Variants in KNL1 observed in about 807,000 individuals in gnomAD.
KNL1 encodes the protein kinetochore scaffold 1, also known as outer kinetochore KNL1 complex subunit KNL1.
KNL1 carries 66 observed loss-of-function variants against 201.3 expected under a neutral mutation model. That is an observed-to-expected ratio of 0.33 (90% confidence interval 0.27 to 0.40). KNL1 has a LOEUF of 0.40. Ranked by LOEUF, KNL1 falls within the 10% of genes least tolerant of loss-of-function variation. The pLI, the probability that KNL1 is intolerant of heterozygous loss-of-function variation, is 1.00. For missense variants in KNL1, 2,815 were observed against 2,690.5 expected, an observed-to-expected ratio of 1.05 and a Z score of -1.02; for synonymous variants, 895 against 899.2, an observed-to-expected ratio of 1.00 and a Z score of 0.08.
chr15:40,659,834 A>C (rs1440106223), intron 25 of KNL1, among the ~76,000 whole-genome samples: 1 of 151,862 alleles, frequency 6.6e-6, no homozygotes, highest in Non-Finnish European at 1.5e-5. Context: ...GTGGTCAGCA[A>C]ATTAGTGGAC....
At position 40,623,084 on chromosome 15, in the gene KNL1, C is replaced by G. The variant is rs375594204; in HGVS notation, c.2820C>G (p.Asp940Glu). 1 of 1,613,796 alleles carries G rather than the reference C, an allele frequency of 6.2e-7. No homozygotes were observed. The highest frequency in any genetic ancestry group is 8.5e-7 in the Non-Finnish European group (1 of 1,179,866). ...ATGAAATAACTACTAGGCCTATGGA[C>G]AAAACTGTAGTGTTTGTAGATAATC... ...SPDEITTRPMDKTVVFVDNHV... is the reference protein window; with the variant it reads ...SPDEITTRPMEKTVVFVDNHV... Residue 940 changes from aspartate (D) to glutamate (E), a missense_variant, in exon 10 of 26, where the codon GAC (aspartate) becomes GAG (glutamate). By Grantham distance (45) the Asp-to-Glu change is conservative. This residue lies in a region of KNL1 where 2,464 missense variants were observed against 2,291.7 expected (regional missense o/e 1.08). Coordinates refer to ENST00000399668, the MANE Select transcript of KNL1 (RefSeq NM_144508.5).
intron 25 of KNL1, among the ~76,000 whole-genome samples, chr15:40,660,631 C>G (rs1248467955): frequency 7.0e-6 from 1 of 142,728 alleles, no homozygotes; most frequent in Non-Finnish European, 1.5e-5. Flanking sequence ...CACCACTGCA[C>G]TCCAGACTGG....
intron 7 of KNL1, among the ~76,000 whole-genome samples, chr15:40,612,356 T>G (rs1017197674): frequency 1.3e-5 from 2 of 148,946 alleles, no homozygotes; most frequent in South Asian, 4.3e-4. Context: ...CCAGGTATGG[T>G]GGCACTGTGC....
chr15:40,598,098 C>T (rs896213896), intron 1 of KNL1, among the ~76,000 whole-genome samples: 1 of 149,746 alleles, frequency 6.7e-6, no homozygotes, highest in Non-Finnish European at 1.5e-5. Flanking sequence ...CACTTGAACC[C>T]AGGATGGGGA....
At chr15:40,645,859 A>G (rs1287042212) in intron 16 of KNL1, 87 bp downstream of exon 16, 1 of 693,726 alleles carries the variant, frequency 1.4e-6, no homozygotes, top group African/African-American at 1.9e-5. Flanking sequence ...TCTTCCTTAG[A>G]AGACATGTGA....
intron 5 of KNL1, among the ~76,000 whole-genome samples, chr15:40,609,210 C>T (rs2141704669): frequency 6.9e-6 from 1 of 144,842 alleles, no homozygotes; most frequent in East Asian, 2.0e-4. Flanking sequence ...TAGTTCGAGA[C>T]TAGCCCAAGC....
chr15:40,598,348 T>C (rs1287318822), intron 1 of KNL1, among the ~76,000 whole-genome samples: 4 of 152,012 alleles, frequency 2.6e-5, no homozygotes, highest in Admixed American at 2.0e-4. Flanking sequence ...GCTGGAAGGA[T>C]TGCTTGAGGC....
In KNL1 at chr15:40,629,495, C is replaced by CTTT. The variant is rs386382806; in HGVS notation, c.5682+148_5682+150dup. The CTTT allele has an allele frequency of 4.9e-4, 88 of 178,708 alleles. 1 individual carries two copies. The highest frequency in any genetic ancestry group is 9.0e-4 in the East Asian group (3 of 3,346). 11.1% of individuals were successfully genotyped at this position (178,708 alleles called of 1,614,324 possible). A position where few individuals can be genotyped will look rare whatever the true frequency, so the allele number is the denominator to read the frequency against. Reference sequence around the variant, plus strand: ...TCTTTTTTTTTTTTTTTTGCCTTTTCTTTTTTTTTTTTTTTTTTTTTTTTT... The same window carrying CTTT: ...TCTTTTTTTTTTTTTTTTGCCTTTTCTTTTTTTTTTTTTTTTTTTTTTTTTTTT... On this transcript the variant is annotated intron_variant, in intron 13 of 25. Coordinates refer to ENST00000399668, the MANE Select transcript of KNL1 (RefSeq NM_144508.5).
chr15:40,628,197 T>A lies in KNL1; in HGVS notation c.5504T>A (p.Leu1835Gln). Residue 1835 changes from leucine (L) to glutamine (Q), a missense_variant, in exon 11 of 26, where the codon CTG (leucine) becomes CAG (glutamine). This residue lies in a region of KNL1 where 2,464 missense variants were observed against 2,291.7 expected (regional missense o/e 1.08). Coordinates refer to ENST00000399668, the MANE Select transcript of KNL1 (RefSeq NM_144508.5). ...TCAATCAAGGCTGATGGGACCTCTC[T>A]GGACTTCAGCAGTAAGAGCTTCATG... ...LDSIKADGTSLDFSTYRSSQM... is the reference protein window; with the variant it reads ...LDSIKADGTSQDFSTYRSSQM... 1 of 1,601,738 alleles carries A rather than the reference T, an allele frequency of 6.2e-7. No homozygotes were observed. The highest frequency in any genetic ancestry group is 1.1e-5 in the South Asian group (1 of 88,156).
Position 40,662,122 on chromosome 15 carries a change from C to T in KNL1, c.6885C>T (p.Asn2295=), listed in dbSNP as rs773899231. 96 of 1,612,748 alleles carry T rather than the reference C, an allele frequency of 6.0e-5. No homozygotes were observed. The highest frequency in any genetic ancestry group is 7.8e-5 in the Non-Finnish European group (92 of 1,178,838). The change falls in exon 26 of 26, where the codon AAC becomes AAT. Residue 2295 remains asparagine (N), a synonymous_variant. Coordinates refer to ENST00000399668, the MANE Select transcript of KNL1 (RefSeq NM_144508.5). The part of the protein sequence containing the change: ...TILSKVPLEN[N]YLKNVVKQIY... ...TATCTAAAGTGCCACTGGAGAACAA[C>T]TACCTGAAGAATGTAGTCAAGCAAA... is the stretch of plus-strand genomic sequence containing the variant.
At position 40,622,433 on chromosome 15, in the gene KNL1, A is replaced by G. The variant is rs191877105; in HGVS notation, c.2169A>G (p.Lys723=). The change falls in exon 10 of 26, where the codon AAA becomes AAG. Residue 723 remains lysine, a synonymous_variant. Coordinates refer to ENST00000399668, the MANE Select transcript of KNL1 (RefSeq NM_144508.5). ...CTGCTATAAGTAGTCATACAGTGAA[A>G]TCTGTACTAGGCCAGAATTCTAAAC... The part of the protein sequence containing the change: ...HDTAISSHTV[K]SVLGQNSKLA... 5.0e-6 allele frequency: 8 copies of G among 1,613,758 alleles called. No individual in the cohort carries two copies. In the African/African-American group the frequency reaches 8.0e-5, roughly 16 times the overall value.
chr15:40,609,243 A>G (rs1186252762), intron 5 of KNL1, among the ~76,000 whole-genome samples: 1 of 141,406 alleles, frequency 7.1e-6, no homozygotes, highest in Non-Finnish European at 1.5e-5. Context: ...TCCCATCTCT[A>G]CAAAAAAAAA....
rs760365686 is a variant in KNL1 at position 40,651,999 on chromosome 15, C to T, written c.6315-6C>T. ...CTTTTTAAAAATCTTGTTTATCTCTCTACAGCTTGTCTGAGTGGGATGTCG... is the reference window on the plus strand; with the variant it reads ...CTTTTTAAAAATCTTGTTTATCTCTTTACAGCTTGTCTGAGTGGGATGTCG... On this transcript the variant is annotated splice_region_variant and splice_polypyrimidine_tract_variant and intron_variant, in intron 20 of 25. Coordinates refer to ENST00000399668, the MANE Select transcript of KNL1 (RefSeq NM_144508.5). The T allele has an allele frequency of 4.1e-5, 66 of 1,607,666 alleles. No individual in the cohort carries two copies. The highest frequency in any genetic ancestry group is 1.7e-4 in the African/African-American group (13 of 74,812).
intron 24 of KNL1, 130 bp downstream of exon 24, chr15:40,657,603 T>A: frequency 1.7e-6 from 1 of 605,642 alleles, no homozygotes; most frequent in Non-Finnish European, 3.0e-6. Context: ...GCTGTTAGAA[T>A]CTGTCCATGC....
intron 1 of KNL1, among the ~76,000 whole-genome samples, chr15:40,596,987 T>G (rs1891637765): frequency 1.9e-5 from 2 of 106,650 alleles, no homozygotes; most frequent in Non-Finnish European, 3.6e-5. Context: ...GCAACAAGAG[T>G]GAAACTCCAT....
intron 13 of KNL1, among the ~76,000 whole-genome samples, chr15:40,636,452 G>C (rs1322864489): frequency 6.6e-6 from 1 of 152,084 alleles, no homozygotes; most frequent in Non-Finnish European, 1.5e-5. Flanking sequence ...AACAATTTTA[G>C]TATTATAGAA....
chr15:40,661,568 A>G (rs971361806), intron 25 of KNL1, among the ~76,000 whole-genome samples: 11 of 152,180 alleles, frequency 7.2e-5, no homozygotes, highest in Non-Finnish European at 1.3e-4. Flanking sequence ...CAACAAAAGT[A>G]GCTAGGTTAA....
chr15:40,651,493 C>G lies in KNL1; in HGVS notation c.6235C>G (p.Gln2079Glu). ...CAGAAATCTCTTAGAACTGGAGGTA[C>G]AAAAAGAGCAGACCCTTGCTCAAAT... is the stretch of plus-strand genomic sequence containing the variant. ...LQRNLLELEVQKEQTLAQIDF... is the reference protein window; with the variant it reads ...LQRNLLELEVEKEQTLAQIDF... Residue 2079 changes from glutamine to glutamate, a missense_variant, in exon 20 of 26, where the codon CAA becomes GAA. Physicochemically the swap from Gln to Glu is conservative, Grantham distance 29. Transcript: ENST00000399668. 6.2e-7 allele frequency: 1 copy of G among 1,606,288 alleles called. No individual in the cohort carries two copies. Among genetic ancestry groups the G allele is most frequent in the Non-Finnish European group, 8.5e-7 (1 of 1,177,500 alleles).
Position 40,654,966 on chromosome 15 carries a change from C to G in KNL1, c.6473C>G (p.Ser2158Cys), listed in dbSNP as rs200340219. Reference sequence around the variant, plus strand: ...AAGATTGTTGATGTCAATTTTCAATCTCTGTTAGATGGTAAGTAGAAAACA... The same window carrying G: ...AAGATTGTTGATGTCAATTTTCAATGTCTGTTAGATGGTAAGTAGAAAACA... ...YRKIVDVNFQ[S>C]LLDEDQAPPS... Residue 2158 changes from serine to cysteine, a missense_variant, in exon 22 of 26, where the codon TCT becomes TGT. Transcript: ENST00000399668. 5 of 1,612,042 alleles carry G rather than the reference C, an allele frequency of 3.1e-6. No individual in the cohort carries two copies. The highest frequency in any genetic ancestry group is 1.7e-6 in the Non-Finnish European group (2 of 1,178,606).
Sources: gnomAD v4.1 joint callset for allele counts (sites outside exome capture counted in the v4.1 genomes callset) on GRCh38, gnomAD v4.1.1 for gene constraint, gnomAD v4.1.1 regional missense constraint, MANE v1.5 for transcripts, NCBI Gene and HGNC (gene_info 2026-07-23, HGNC 2026-07-21) for gene names.